The following PTCHD4 variants were observed in gnomAD, a reference collection of about 807,000 sequenced individuals.
PTCHD4 encodes the protein patched domain containing 4.
In PTCHD4, 33 loss-of-function variants were observed where a neutral mutation model predicts 58.1. The ratio of observed to expected loss-of-function variants is 0.57; its 90% confidence interval spans 0.43 to 0.76. PTCHD4 has a LOEUF of 0.76. Among genes scored for constraint, PTCHD4 ranks in the 30% least tolerant of loss-of-function variants. PTCHD4 has a pLI of 0.00. For synonymous variants in PTCHD4, 478 were observed against 409.6 expected, an observed-to-expected ratio of 1.17 and a Z score of -2.02; for missense variants, 1,058 against 1,027.1, an observed-to-expected ratio of 1.03 and a Z score of -0.41.
rs1393996182 is a variant in PTCHD4 at position 47,869,324 on chromosome 6, G to A, written c.*8979C>T. Among the ~76,000 whole-genome samples, 2 of 151,678 alleles carry A rather than the reference G, an allele frequency of 1.3e-5. No individual in the cohort carries two copies. The highest frequency in any genetic ancestry group is 2.1e-4 in the South Asian group (1 of 4,826). ...TGATTAATCTCTGGGTACTACTGAG[G>A]AGCCGCTGGCTCACTCATTGTCTCC... is the stretch of plus-strand genomic sequence containing the variant. On this transcript the variant is annotated 3_prime_UTR_variant, in exon 5 of 5. Transcript: ENST00000339488.
At chr6:48,025,733 T>C (rs1463476965) in intron 3 of PTCHD4, among the ~76,000 whole-genome samples, 1 of 152,166 alleles carries the variant, frequency 6.6e-6, no homozygotes, top group Non-Finnish European at 1.5e-5. Context: ...TTCAAATGCA[T>C]ATTGCTGTGT....
Position 48,019,889 on chromosome 6 carries a change from T to G in PTCHD4, c.418-10775A>C, listed in dbSNP as rs372605925. Among the ~76,000 whole-genome samples the G allele has an allele frequency of 1.4e-4, 22 of 152,296 alleles. No homozygotes were observed. In the East Asian group the frequency reaches 1.5e-3, roughly 11 times the overall value. On this transcript the variant is annotated intron_variant, in intron 3 of 4. Coordinates refer to ENST00000339488, the MANE Select transcript of PTCHD4 (RefSeq NM_001384253.1). ...CTGAGTCCTGAATCATAAATATCAATTATCCAAATAAAGCTGGAAGATTTG... is the reference window on the plus strand; with the variant it reads ...CTGAGTCCTGAATCATAAATATCAAGTATCCAAATAAAGCTGGAAGATTTG...
intron 3 of PTCHD4, among the ~76,000 whole-genome samples, chr6:48,044,599 C>T (rs1356617041): frequency 6.6e-6 from 1 of 151,850 alleles, no homozygotes; most frequent in Non-Finnish European, 1.5e-5. Flanking sequence ...TGGCCCTTGC[C>T]AGTTTTTCTT....
chr6:48,046,224 T>C (rs1198909347), intron 3 of PTCHD4, among the ~76,000 whole-genome samples: 1 of 151,872 alleles, frequency 6.6e-6, no homozygotes, highest in Non-Finnish European at 1.5e-5. Context: ...CATTGTATAT[T>C]GTTGGGCCAC....
intron 4 of PTCHD4, among the ~76,000 whole-genome samples, chr6:47,918,106 G>A (rs952496401): frequency 6.6e-6 from 1 of 151,996 alleles, no homozygotes; most frequent in African/African-American, 2.4e-5. Context: ...CAAAATCCTA[G>A]GATTTTTTTT....
At chr6:47,893,255 C>T (rs1392662007) in intron 4 of PTCHD4, among the ~76,000 whole-genome samples, 1 of 152,086 alleles carries the variant, frequency 6.6e-6, no homozygotes, top group African/African-American at 2.4e-5. Context: ...ATGATCTGTC[C>T]ACCTCAGCCT....
rs111351117 is a variant in PTCHD4 at position 48,100,099 on chromosome 6, C to A, written c.-970+10950G>T. ...CTCATAAAATTGAAAACAATATGAA[C>A]CTGTTACAATTCAGGTGATATCAAC... On this transcript the variant is annotated intron_variant, in intron 1 of 4. Transcript: ENST00000339488. 4.7e-3 allele frequency among the ~76,000 whole-genome samples: 717 copies of A among 152,100 alleles called. 2 individuals are homozygous for A. The highest frequency in any genetic ancestry group is 0.011 in the Admixed American group (167 of 15,278).
intron 1 of PTCHD4, among the ~76,000 whole-genome samples, chr6:48,104,981 A>C (rs574717071): frequency 8.5e-5 from 13 of 152,360 alleles, no homozygotes; most frequent in African/African-American, 3.1e-4. Flanking sequence ...AAAGAGACTT[A>C]GATTCCCACA....
At chr6:48,079,909 G>A (rs1486032206) in intron 1 of PTCHD4, among the ~76,000 whole-genome samples, 2 of 149,934 alleles carry the variant, frequency 1.3e-5, no homozygotes, top group Non-Finnish European at 3.0e-5. Flanking sequence ...AGCCAATTTG[G>A]GATTATTATA....
At chr6:48,094,469 A>G (rs1765423315) in intron 1 of PTCHD4, among the ~76,000 whole-genome samples, 1 of 152,214 alleles carries the variant, frequency 6.6e-6, no homozygotes, top group Non-Finnish European at 1.5e-5. Context: ...CAATTAGAAA[A>G]TAAGGAAGTC....
intron 4 of PTCHD4, among the ~76,000 whole-genome samples, chr6:47,964,362 T>C (rs1161006788): frequency 6.6e-6 from 1 of 152,146 alleles, no homozygotes; most frequent in Non-Finnish European, 1.5e-5. Flanking sequence ...CACTAAGAAC[T>C]CTACATCTGT....
At chr6:47,971,883 T>A (rs961968924) in intron 4 of PTCHD4, among the ~76,000 whole-genome samples, 1 of 152,150 alleles carries the variant, frequency 6.6e-6, no homozygotes, top group African/African-American at 2.4e-5. Context: ...CAGGAGTGAC[T>A]GTTCTGGGAG....
In PTCHD4 at chr6:47,861,887, T is replaced by G. The variant is rs1763435463; in HGVS notation, c.*16416A>C. On this transcript the variant is annotated 3_prime_UTR_variant, in exon 5 of 5. Transcript: ENST00000339488. Reference sequence around the variant, plus strand: ...CATGTTTGTTGGATGGATTAATGAATGAATGATATGGCTAGTTCATCAGGT... The same window carrying G: ...CATGTTTGTTGGATGGATTAATGAAGGAATGATATGGCTAGTTCATCAGGT... Among the ~76,000 whole-genome samples, 1 of 151,914 alleles carries G rather than the reference T, an allele frequency of 6.6e-6. No homozygotes were observed.
intron 3 of PTCHD4, among the ~76,000 whole-genome samples, chr6:48,067,852 G>A (rs1159231124): frequency 6.7e-6 from 1 of 149,274 alleles, no homozygotes; most frequent in Non-Finnish European, 1.5e-5. Flanking sequence ...TATTTGTTTT[G>A]TTTGGCCTTG....
rs78428843 is a variant in PTCHD4 at position 47,907,347 on chromosome 6, A to G, written c.899-27411T>C. 1.6e-4 allele frequency among the ~76,000 whole-genome samples: 24 copies of G among 152,192 alleles called. No individual in the cohort carries two copies. In the East Asian group the frequency reaches 4.3e-3, roughly 27 times the overall value. On this transcript the variant is annotated intron_variant, in intron 4 of 4. Transcript: ENST00000339488. ...TAATGATTATAATAAATAAGGTGAG[A>G]CTTCTGATTTTGTGCAAGATTGAAA...
chr6:48,081,750 G>T (rs1237255487), intron 1 of PTCHD4, among the ~76,000 whole-genome samples: 2 of 152,088 alleles, frequency 1.3e-5, no homozygotes, highest in South Asian at 4.1e-4. Flanking sequence ...AGGATTGTAG[G>T]CATTAAGAAG....
intron 3 of PTCHD4, among the ~76,000 whole-genome samples, chr6:48,040,410 C>G (rs547232559): frequency 6.6e-6 from 1 of 152,054 alleles, no homozygotes; most frequent in Admixed American, 6.6e-5. Context: ...GCAATTTCCT[C>G]CCTCCCTCAG....
rs558238285 is a variant in PTCHD4 at position 48,059,938 on chromosome 6, G to A, written c.417+8292C>T. 1.1e-3 allele frequency among the ~76,000 whole-genome samples: 173 copies of A among 152,162 alleles called. 1 individual carries two copies. Among genetic ancestry groups the A allele is most frequent in the African/African-American group, 3.9e-3 (163 of 41,506 alleles). The stretch of plus-strand genomic sequence containing the variant: ...TCTCTGCTCACAGTCACTTTCTCAA[G>A]AAAACCGTTTTTTACCCCAAAACTT... On this transcript the variant is annotated intron_variant, in intron 3 of 4. Coordinates refer to ENST00000339488, the MANE Select transcript of PTCHD4 (RefSeq NM_001384253.1).
At chr6:47,983,615 TAAAATGATGGTAAATGCC>T (rs1767963427) in intron 4 of PTCHD4, among the ~76,000 whole-genome samples, 1 of 152,194 alleles carries the variant, frequency 6.6e-6, no homozygotes, top group Non-Finnish European at 1.5e-5. Flanking sequence ...TGTAAAAGGA[TAAAATGATGGTAAATGCC>T]TAACCTAAAG....
Sources: allele counts gnomAD v4.1 joint callset (sites outside exome capture counted in the v4.1 genomes callset), GRCh38; gene constraint gnomAD v4.1.1; transcripts MANE v1.5; gene names NCBI Gene and HGNC (gene_info 2026-07-23, HGNC 2026-07-21).